Variants in CADPS2 observed in about 807,000 individuals in gnomAD.
CADPS2 encodes the protein calcium-dependent secretion activator 2.
A neutral mutation model predicts 172.5 loss-of-function variants in CADPS2; 93 were observed. The observed-to-expected ratio is 0.54, with a 90% CI of 0.46 to 0.64. The LOEUF is 0.64. CADPS2 is among the 30% of genes least tolerant of loss of function. CADPS2 has a pLI of 0.00. For synonymous variants in CADPS2, 546 were observed against 555.2 expected, an observed-to-expected ratio of 0.98 and a Z score of 0.23; for missense variants, 1,420 against 1,565.9, an observed-to-expected ratio of 0.91 and a Z score of 1.57.
At chr7:122,873,622 A>T (rs1280410406) in intron 1 of CADPS2, among the ~76,000 whole-genome samples, 1 of 152,188 alleles carries the variant, frequency 6.6e-6, no homozygotes, top group Admixed American at 6.5e-5. Flanking sequence ...ATAGTGCTAC[A>T]GTAAACGTAC....
intron 12 of CADPS2, among the ~76,000 whole-genome samples, chr7:122,479,803 T>C (rs545014214): frequency 6.6e-6 from 1 of 152,284 alleles, no homozygotes; most frequent in East Asian, 1.9e-4. Context: ...ATTAGATCAA[T>C]CATGAAAATA....
intron 18 of CADPS2, 47 bp downstream of exon 18, chr7:122,416,014 T>G: frequency 8.2e-7 from 1 of 1,218,640 alleles, no homozygotes; most frequent in Non-Finnish European, 1.1e-6. Flanking sequence ...ACAACCATGG[T>G]GAAGCCTTAC....
At chr7:122,497,207 CTGTGTTA>C (rs906823430) in intron 9 of CADPS2, among the ~76,000 whole-genome samples, 71 of 152,108 alleles carry the variant, frequency 4.7e-4, no homozygotes, top group African/African-American at 1.6e-3. Context: ...CTCAATTATT[CTGTGTTA>C]TATTTTAGAT....
intron 1 of CADPS2, among the ~76,000 whole-genome samples, chr7:122,838,047 T>C (rs964206564): frequency 1.4e-4 from 21 of 152,140 alleles, no homozygotes; most frequent in South Asian, 8.3e-4. Flanking sequence ...ACTGGCAAAC[T>C]GAATCCAGCA....
At chr7:122,846,841 G>A (rs1563164568) in intron 1 of CADPS2, among the ~76,000 whole-genome samples, 1 of 152,186 alleles carries the variant, frequency 6.6e-6, no homozygotes, top group East Asian at 1.9e-4. Flanking sequence ...GCCATGCTGT[G>A]CATGACCCTG....
At chr7:122,687,117 T>C (rs2083738971) in intron 2 of CADPS2, among the ~76,000 whole-genome samples, 1 of 152,216 alleles carries the variant, frequency 6.6e-6, no homozygotes, top group Non-Finnish European at 1.5e-5. Flanking sequence ...CTAAATACTT[T>C]TTACACAAGG....
chr7:122,528,112 T>C (rs918819217), intron 8 of CADPS2, among the ~76,000 whole-genome samples: 5 of 11,098 alleles, frequency 4.5e-4, no homozygotes, highest in African/African-American at 1.3e-3. Flanking sequence ...AAGGCATTAG[T>C]GGTGGTGGTG....
At chr7:122,482,274 C>T (rs762900183) in intron 11 of CADPS2, among the ~76,000 whole-genome samples, 48 of 151,962 alleles carry the variant, frequency 3.2e-4, no homozygotes, top group Admixed American at 7.9e-4. Context: ...CCTCACCAAC[C>T]GCAACCCTAC....
chr7:122,878,204 G>T (rs1821769442), intron 1 of CADPS2, among the ~76,000 whole-genome samples: 1 of 146,540 alleles, frequency 6.8e-6, no homozygotes, highest in Non-Finnish European at 1.5e-5. Flanking sequence ...AGGTTGCAGT[G>T]AGCCGAGATC....
At chr7:122,446,587 C>A (rs2052244080) in intron 15 of CADPS2, among the ~76,000 whole-genome samples, 1 of 152,200 alleles carries the variant, frequency 6.6e-6, no homozygotes, top group South Asian at 2.1e-4. Flanking sequence ...AGATTCCCCC[C>A]ATAAGCCTTT....
chr7:122,701,911 G>A (rs1355454800), intron 2 of CADPS2: 2 of 1,613,430 alleles, frequency 1.2e-6, no homozygotes, highest in African/African-American at 1.3e-5. Context: ...ATGCCTTATG[G>A]AAAAAATGTT....
In CADPS2 at chr7:122,873,697, T is replaced by G. The variant is rs1223457593; in HGVS notation, c.339+12302A>C. 2.6e-5 allele frequency among the ~76,000 whole-genome samples: 4 copies of G among 152,274 alleles called. No homozygotes were observed. The East Asian group carries it at 7.7e-4, about 29-fold the overall frequency. ...TTGGGTATATACCCAATAATGAGAT[T>G]GCTGGGTCAAATGGTATTTCTGGTT... On this transcript the variant is annotated intron_variant, in intron 1 of 29. Transcript: ENST00000449022.
intron 8 of CADPS2, 27 bp downstream of exon 8, chr7:122,554,523 G>GA (rs758460383): frequency 5.8e-6 from 9 of 1,547,060 alleles, no homozygotes; most frequent in African/African-American, 1.4e-5. Flanking sequence ...AATAATTCAG[G>GA]AAAAAAATCC....
chr7:122,831,395 C>A (rs145752719), intron 1 of CADPS2, among the ~76,000 whole-genome samples: 4 of 152,330 alleles, frequency 2.6e-5, no homozygotes, highest in African/African-American at 7.2e-5. Context: ...TTCTAGTCTT[C>A]AAAAACCATC....
intron 28 of CADPS2, among the ~76,000 whole-genome samples, chr7:122,344,531 G>A (rs937047610): frequency 3.9e-5 from 6 of 151,916 alleles, no homozygotes; most frequent in African/African-American, 1.5e-4. Flanking sequence ...GAAGACCTTA[G>A]TGCTGATAAA....
At chr7:122,833,906 G>A (rs1156440396) in intron 1 of CADPS2, among the ~76,000 whole-genome samples, 2 of 152,110 alleles carry the variant, frequency 1.3e-5, no homozygotes, top group Admixed American at 6.6e-5. Context: ...ATTGGAACAT[G>A]ACATAACAAT....
chr7:122,777,777 G>A (rs1290001146), intron 1 of CADPS2, among the ~76,000 whole-genome samples: 5 of 152,000 alleles, frequency 3.3e-5, no homozygotes, highest in Non-Finnish European at 5.9e-5. Context: ...TAAGTTTCCT[G>A]AGGCCTCCTA....
intron 29 of CADPS2, among the ~76,000 whole-genome samples, chr7:122,321,366 C>T (rs1007729073): frequency 6.6e-6 from 1 of 152,198 alleles, no homozygotes; most frequent in African/African-American, 2.4e-5. Context: ...CAAGGTCTTG[C>T]CATGTAGCAT....
chr7:122,521,731 TTAAAATTTATGTGCTA>T (rs2060814105), intron 8 of CADPS2, among the ~76,000 whole-genome samples: 1 of 152,108 alleles, frequency 6.6e-6, no homozygotes, highest in South Asian at 2.1e-4. Context: ...GAGCAAGAAC[TTAAAATTTATGTGCTA>T]TATAAACAGG....
Sources: allele counts gnomAD v4.1 joint callset (sites outside exome capture counted in the v4.1 genomes callset), GRCh38; gene constraint gnomAD v4.1.1; transcripts MANE v1.5; gene names NCBI Gene and HGNC (gene_info 2026-07-23, HGNC 2026-07-21).